ALK: variants seen among roughly 807,000 people sequenced by gnomAD.
ALK encodes ALK receptor tyrosine kinase.
Under a neutral mutation model 163.1 loss-of-function variants are expected in ALK, and 74 were observed. That is an observed-to-expected ratio of 0.45 (90% CI 0.38 to 0.55). ALK has a LOEUF of 0.55. ALK is among the 20% of genes least tolerant of loss of function. The pLI is 0.00. For missense variants in ALK, 2,063 were observed against 2,105.3 expected, an observed-to-expected ratio of 0.98 and a Z score of 0.39; for synonymous variants, 960 against 843.2, an observed-to-expected ratio of 1.14 and a Z score of -2.40.
intron 11 of ALK, among the ~76,000 whole-genome samples, chr2:29,263,692 CT>C (rs1434064991): frequency 1.3e-5 from 2 of 152,114 alleles, no homozygotes; most frequent in African/African-American, 4.8e-5. Flanking sequence ...CTATTTTTGT[CT>C]GCAATGCAGT....
chr2:29,786,847 A>G (rs1434824992), intron 1 of ALK, among the ~76,000 whole-genome samples: 1 of 152,104 alleles, frequency 6.6e-6, no homozygotes, highest in African/African-American at 2.4e-5. Flanking sequence ...GCTGGAGTGC[A>G]ACAGCACAAT....
In ALK at chr2:29,369,473, C is replaced by G. The variant is rs116535022; in HGVS notation, c.1282+14259G>C. ...GAGAAGAATATTCCATCTGTGTATG[C>G]CCTGGAGCTGGGCTCCAGTGTAGCC... On this transcript the variant is annotated intron_variant, in intron 5 of 28. Transcript: ENST00000389048. Among the ~76,000 whole-genome samples the G allele has an allele frequency of 3.4e-3, 511 of 152,260 alleles. 1 individual carries two copies. The highest frequency in any genetic ancestry group is 9.4e-3 in the African/African-American group (392 of 41,542).
At chr2:29,504,118 G>A (rs963085635) in intron 4 of ALK, among the ~76,000 whole-genome samples, 1 of 152,070 alleles carries the variant, frequency 6.6e-6, no homozygotes, top group Non-Finnish European at 1.5e-5. Flanking sequence ...GGGAATTCCT[G>A]AGGTGGTGGT....
intron 9 of ALK, among the ~76,000 whole-genome samples, chr2:29,285,673 C>T (rs1366997067): frequency 6.6e-6 from 1 of 152,114 alleles, no homozygotes; most frequent in African/African-American, 2.4e-5. Flanking sequence ...AGTGATTCTC[C>T]AGCCTCAGCC....
chr2:29,723,365 C>A (rs1052533838), intron 1 of ALK, among the ~76,000 whole-genome samples: 1 of 152,204 alleles, frequency 6.6e-6, no homozygotes, highest in Non-Finnish European at 1.5e-5. Flanking sequence ...GTCCATAGGT[C>A]AACTTCCCAG....
At chr2:29,658,857 G>A (rs890770297) in intron 3 of ALK, among the ~76,000 whole-genome samples, 2 of 152,084 alleles carry the variant, frequency 1.3e-5, no homozygotes, top group Admixed American at 6.6e-5. Context: ...CTGAAGCAGG[G>A]ACCATAAGTT....
chr2:29,838,913 T>A (rs911436658), intron 1 of ALK, among the ~76,000 whole-genome samples: 13 of 152,304 alleles, frequency 8.5e-5, no homozygotes, highest in Admixed American at 7.2e-4. Context: ...GTATATAAAT[T>A]ATTTAAATTA....
chr2:29,483,859 C>T (rs1671720818), intron 4 of ALK, among the ~76,000 whole-genome samples: 1 of 152,150 alleles, frequency 6.6e-6, no homozygotes, highest in South Asian at 2.1e-4. Context: ...CGTTCTCAAA[C>T]TGCTAATAAA....
intron 3 of ALK, among the ~76,000 whole-genome samples, chr2:29,642,910 T>C (rs781556928): frequency 2.6e-5 from 4 of 152,322 alleles, no homozygotes; most frequent in Admixed American, 1.3e-4. Context: ...AACTTTTATT[T>C]AGCACCTACA....
chr2:29,346,527 G>A (rs931045368), intron 5 of ALK, among the ~76,000 whole-genome samples: 22 of 152,228 alleles, frequency 1.4e-4, no homozygotes, highest in African/African-American at 4.8e-4. Context: ...CCAGGCTGGG[G>A]CGAGGTTTCT....
intron 3 of ALK, among the ~76,000 whole-genome samples, chr2:29,560,950 T>C (rs1674006164): frequency 6.6e-6 from 1 of 152,160 alleles, no homozygotes. Context: ...ATACAAATTG[T>C]ACCTGAAATG....
chr2:29,553,352 T>C (rs548412479), intron 3 of ALK, among the ~76,000 whole-genome samples: 2 of 152,206 alleles, frequency 1.3e-5, no homozygotes, highest in African/African-American at 2.4e-5. Flanking sequence ...AGTGCCTTGA[T>C]GTTGAACTTT....
intron 9 of ALK, among the ~76,000 whole-genome samples, chr2:29,296,179 A>G (rs1666171945): frequency 6.6e-6 from 1 of 152,230 alleles, no homozygotes; most frequent in Non-Finnish European, 1.5e-5. Context: ...ACTGAGGCCC[A>G]AAGAAGTCAA....
chr2:29,447,516 G>A (rs955875158), intron 4 of ALK, among the ~76,000 whole-genome samples: 2 of 152,192 alleles, frequency 1.3e-5, no homozygotes, highest in African/African-American at 2.4e-5. Flanking sequence ...TTGCCCCAAT[G>A]TGCAAAATAG....
chr2:29,831,244 AGAGGAAGAG>A (rs1361684838), intron 1 of ALK, among the ~76,000 whole-genome samples: 8 of 68,498 alleles, frequency 1.2e-4, no homozygotes, highest in African/African-American at 4.6e-4. Flanking sequence ...AGGAAGAAGA[AGAGGAAGAG>A]GAAGAGGAAG....
chr2:29,386,715 T>C (rs114313395), intron 4 of ALK, among the ~76,000 whole-genome samples: 1 of 152,258 alleles, frequency 6.6e-6, no homozygotes, highest in African/African-American at 2.4e-5. Context: ...CAATAACTTT[T>C]GTCTGAAATT....
intron 4 of ALK, among the ~76,000 whole-genome samples, chr2:29,501,023 G>A (rs113625782): frequency 0.056 from 8,589 of 152,204 alleles, 337 homozygotes; most frequent in Non-Finnish European, 0.085. Context: ...TCCCCCAGGA[G>A]CCCTTAAATA....
intron 1 of ALK, among the ~76,000 whole-genome samples, chr2:29,791,711 G>A (rs1025954842): frequency 6.6e-5 from 10 of 151,990 alleles, no homozygotes; most frequent in African/African-American, 2.2e-4. Flanking sequence ...CAGATCTCTT[G>A]TTTTTCATGA....
At chr2:29,583,417 G>C (rs1279020825) in intron 3 of ALK, among the ~76,000 whole-genome samples, 1 of 152,070 alleles carries the variant, frequency 6.6e-6, no homozygotes, top group African/African-American at 2.4e-5. Flanking sequence ...TTTGCAGCCT[G>C]TCTCTGTTAA....
Sources: gnomAD v4.1 joint callset for allele counts (sites outside exome capture counted in the v4.1 genomes callset) on GRCh38, gnomAD v4.1.1 for gene constraint, MANE v1.5 for transcripts, NCBI Gene and HGNC (gene_info 2026-07-23, HGNC 2026-07-21) for gene names.